RABL3: variants seen among roughly 807,000 people sequenced by gnomAD.
RABL3 encodes the protein RAB, member of RAS oncogene family like 3.
A neutral mutation model predicts 31.8 loss-of-function variants in RABL3; 31 were observed. The observed-to-expected ratio is 0.97, with a 90% CI of 0.73 to 1.31. RABL3 has a LOEUF of 1.31. RABL3 is among the 40% of genes most tolerant of loss of function. RABL3 has a pLI of 0.00. For missense variants in RABL3, 263 were observed against 279.6 expected (o/e 0.94, Z 0.42); for synonymous variants, 97 against 99.9 (o/e 0.97, Z 0.18).
intron 4 of RABL3, among the ~76,000 whole-genome samples, chr3:120,702,324 A>G (rs566719631): frequency 1.3e-5 from 2 of 152,230 alleles, no homozygotes; most frequent in Admixed American, 1.3e-4. Flanking sequence ...ATCATCAGGC[A>G]TTAGTTAGAT....
At chr3:120,729,769 G>C (rs1276649448) in intron 2 of RABL3, among the ~76,000 whole-genome samples, 1 of 152,028 alleles carries the variant, frequency 6.6e-6, no homozygotes, top group Non-Finnish European at 1.5e-5. Context: ...GCAGCAAGGA[G>C]AAATATTAAC....
At chr3:120,732,707 TC>T (rs1559823398) in intron 1 of RABL3, among the ~76,000 whole-genome samples, 1 of 106,632 alleles carries the variant, frequency 9.4e-6, no homozygotes. Context: ...GTGCTATCCC[TC>T]CCCCCTCCCC....
intron 1 of RABL3, among the ~76,000 whole-genome samples, chr3:120,739,122 T>C (rs1321624052): frequency 6.6e-6 from 1 of 152,216 alleles, no homozygotes; most frequent in East Asian, 1.9e-4. Context: ...CTCACACCTG[T>C]AATCCCAGCA....
intron 2 of RABL3, 64 bp downstream of exon 2, chr3:120,730,632 C>A: frequency 4.7e-6 from 5 of 1,066,904 alleles, no homozygotes; most frequent in South Asian, 3.9e-5. Context: ...GTAATTTGAT[C>A]ATGTAATTTG....
In RABL3 at chr3:120,730,772, G is replaced by T. The variant is rs370379749; in HGVS notation, c.62C>A (p.Ser21Ter). Reference protein sequence around the residue: ...VLGDSGVGKSSLVHLLCQNQV... With the variant: ...VLGDSGVGKS ...ATTTTGGCATAGGAGATGGACTAACGAAGATTTCCCAACACCTGTAAGAGA... is the reference window on the plus strand; with the variant it reads ...ATTTTGGCATAGGAGATGGACTAACTAAGATTTCCCAACACCTGTAAGAGA... Residue 21 changes from serine (S) to a stop codon, truncating the protein, a stop_gained, in exon 2 of 8, where the codon TCG becomes TAG. Coordinates refer to ENST00000273375, the MANE Select transcript of RABL3 (RefSeq NM_173825.5). LOFTEE classifies it high-confidence loss of function. 1 of 1,612,598 alleles carries T rather than the reference G, an allele frequency of 6.2e-7. No homozygotes were observed. Among genetic ancestry groups the T allele is most frequent in the Non-Finnish European group, 8.5e-7 (1 of 1,178,720 alleles).
chr3:120,686,568 T>C lies in RABL3; in HGVS notation c.*3255A>G, dbSNP rs1246041285. 2 of 152,200 alleles carry C rather than the reference T, an allele frequency of 1.3e-5. No individual in the cohort carries two copies. The highest frequency in any genetic ancestry group is 1.3e-4 in the Admixed American group (2 of 15,272). 9.4% of individuals were successfully genotyped at this position (152,200 alleles called of 1,614,324 possible). On this transcript the variant is annotated 3_prime_UTR_variant, in exon 8 of 8. Coordinates refer to ENST00000273375, the MANE Select transcript of RABL3 (RefSeq NM_173825.5). ...TTCTAAGAACCCGAGCTAAAGCTAA[T>C]ATGGATCAACTCTTTTGGGAATAGC...
intron 5 of RABL3, among the ~76,000 whole-genome samples, chr3:120,696,086 C>T (rs913123635): frequency 2.6e-5 from 4 of 152,092 alleles, no homozygotes; most frequent in African/African-American, 7.2e-5. Context: ...AAAGTAAATA[C>T]GTAACAGAGA....
chr3:120,691,731 G>A (rs1310154341), intron 6 of RABL3, among the ~76,000 whole-genome samples: 2 of 152,156 alleles, frequency 1.3e-5, no homozygotes. Flanking sequence ...AAGTTAATCG[G>A]ATAATAATAC....
At chr3:120,715,310 A>G (rs1385973331) in intron 2 of RABL3, among the ~76,000 whole-genome samples, 1 of 152,194 alleles carries the variant, frequency 6.6e-6, no homozygotes, top group Non-Finnish European at 1.5e-5. Flanking sequence ...AGTCTGAGGC[A>G]GGCAGATCAC....
intron 4 of RABL3, among the ~76,000 whole-genome samples, chr3:120,700,482 G>C (rs1203026657): frequency 1.3e-5 from 2 of 151,872 alleles, no homozygotes; most frequent in Non-Finnish European, 2.9e-5. Flanking sequence ...ACCAAAAAGG[G>C]AGAACCTAAG....
At position 120,687,669 on chromosome 3, in the gene RABL3, A is replaced by G. The variant is rs1708327492; in HGVS notation, c.*2154T>C. ...AAAAACTATTTTTTCTTAGAAAACT[A>G]TAATTCAAGGAATCAAGCTTGGCTG... On this transcript the variant is annotated 3_prime_UTR_variant, in exon 8 of 8. Transcript: ENST00000273375. The G allele has an allele frequency of 6.6e-6, 1 of 152,162 alleles. No homozygotes were observed. The allele number at this position is 152,162 out of a possible 1,614,324, so 9.4% of individuals were successfully genotyped here. A position where few individuals can be genotyped will look rare whatever the true frequency, so the allele number is the denominator to read the frequency against.
At chr3:120,722,000 A>C (rs1708748284) in intron 2 of RABL3, 1 of 152,194 alleles carries the variant, frequency 6.6e-6, no homozygotes, top group Non-Finnish European at 1.5e-5. Context: ...AGTGCAATCA[A>C]ACGAGAACTC....
intron 1 of RABL3, among the ~76,000 whole-genome samples, chr3:120,731,672 AT>A (rs1310040676): frequency 1.3e-5 from 2 of 152,298 alleles, no homozygotes; most frequent in Non-Finnish European, 2.9e-5. Context: ...TTTATCAAAA[AT>A]TTAGATCATC....
chr3:120,726,194 A>T (rs73181947), intron 2 of RABL3, among the ~76,000 whole-genome samples: 1 of 152,122 alleles, frequency 6.6e-6, no homozygotes, highest in Non-Finnish European at 1.5e-5. Context: ...TTTTCAAGAC[A>T]GGTAGAATTT....
At chr3:120,722,800 G>A (rs1576342860) in intron 2 of RABL3, among the ~76,000 whole-genome samples, 1 of 152,092 alleles carries the variant, frequency 6.6e-6, no homozygotes, top group Admixed American at 6.6e-5. Flanking sequence ...TCAAAGCAGT[G>A]TGTAGAGGGA....
rs1391488885 is a variant in RABL3 at position 120,688,591 on chromosome 3, T to G, written c.*1232A>C. ...TATTTTTTAAATGAGAAATGAAAAC[T>G]GTATATTTATTATTGTTATTTAAAA... On this transcript the variant is annotated 3_prime_UTR_variant, in exon 8 of 8. Coordinates refer to ENST00000273375, the MANE Select transcript of RABL3 (RefSeq NM_173825.5). 2.6e-5 allele frequency: 4 copies of G among 152,310 alleles called. No homozygotes were observed. The East Asian group carries it at 7.7e-4, about 29-fold the overall frequency. 9.4% of individuals were successfully genotyped at this position (152,310 alleles called of 1,614,324 possible).
intron 2 of RABL3, among the ~76,000 whole-genome samples, chr3:120,715,305 G>A (rs1481625359): frequency 6.6e-6 from 1 of 152,184 alleles, no homozygotes; most frequent in African/African-American, 2.4e-5. Context: ...TTTGGAGTCT[G>A]AGGCAGGCAG....
chr3:120,739,270 G>A (rs1709012147), intron 1 of RABL3, among the ~76,000 whole-genome samples: 1 of 152,100 alleles, frequency 6.6e-6, no homozygotes, highest in Non-Finnish European at 1.5e-5. Flanking sequence ...CCAGCTACTT[G>A]GGAGGCTGAG....
At chr3:120,717,085 T>C (rs1708679214) in intron 2 of RABL3, among the ~76,000 whole-genome samples, 2 of 151,880 alleles carry the variant, frequency 1.3e-5, no homozygotes, top group South Asian at 2.1e-4. Context: ...AAACCCAGTC[T>C]CTACTCAAAA....
Sources: gnomAD v4.1 joint callset for allele counts (sites outside exome capture counted in the v4.1 genomes callset) on GRCh38, gnomAD v4.1.1 for gene constraint, MANE v1.5 for transcripts, NCBI Gene and HGNC (gene_info 2026-07-23, HGNC 2026-07-21) for gene names.